Variants in TMEM170B observed in about 807,000 individuals in gnomAD.
TMEM170B encodes the protein transmembrane protein 170B.
A neutral mutation model predicts 13.0 loss-of-function variants in TMEM170B; 6 were observed. The observed-to-expected ratio is 0.46, with a 90% CI of 0.25 to 0.91. TMEM170B has a LOEUF of 0.91. Ranked by LOEUF, TMEM170B falls within the 40% of genes least tolerant of loss-of-function variation. The pLI, the probability that TMEM170B is intolerant of heterozygous loss-of-function variation, is 0.17. For missense variants in TMEM170B, 138 were observed against 165.2 expected (o/e 0.84, Z 0.90); for synonymous variants, 61 against 64.9 (o/e 0.94, Z 0.29).
chr6:11,572,380 C>A (rs1435255458), intron 2 of TMEM170B, among the ~76,000 whole-genome samples: 1 of 152,072 alleles, frequency 6.6e-6, no homozygotes, highest in African/African-American at 2.4e-5. Context: ...TAGTTATTTC[C>A]TACTATATTC....
rs946426734 is a variant in TMEM170B at position 11,578,543 on chromosome 6, G to T, written c.*2982G>T. The T allele has an allele frequency of 6.6e-6, 1 of 152,102 alleles. No individual in the cohort carries two copies. The highest frequency in any genetic ancestry group is 1.5e-5 in the Non-Finnish European group (1 of 67,996). The allele number at this position is 152,102 out of a possible 1,614,324, so 9.4% of individuals were successfully genotyped here. A position where few individuals can be genotyped will look rare whatever the true frequency, so the allele number is the denominator to read the frequency against. ...AATGCTTAAAACTTTAAAAGAAGGA[G>T]AACCAGCAGTCTTCCGAACCATGGG... On this transcript the variant is annotated 3_prime_UTR_variant, in exon 3 of 3. Transcript: ENST00000379426.
At position 11,575,750 on chromosome 6, in the gene TMEM170B, A is replaced by C. The variant is rs1300413385; in HGVS notation, c.*189A>C. The C allele has an allele frequency of 3.5e-6, 2 of 575,736 alleles. No homozygotes were observed. Among genetic ancestry groups the C allele is most frequent in the African/African-American group, 3.8e-5 (2 of 53,256 alleles). 35.7% of individuals were successfully genotyped at this position (575,736 alleles called of 1,614,324 possible). A position where few individuals can be genotyped will look rare whatever the true frequency, so the allele number is the denominator to read the frequency against. On this transcript the variant is annotated 3_prime_UTR_variant, in exon 3 of 3. Transcript: ENST00000379426. This position sits in a 1 kb window ranked among gnomAD's most constrained non-coding sequence, Gnocchi z 4.1. ...TCAAGTGATTGCACTACCGCACTGCACCTTATGTGCCTCTGTCTCAGGCAA... is the reference window on the plus strand; with the variant it reads ...TCAAGTGATTGCACTACCGCACTGCCCCTTATGTGCCTCTGTCTCAGGCAA...
intron 1 of TMEM170B, among the ~76,000 whole-genome samples, chr6:11,558,598 C>T (rs1759620021): frequency 6.6e-6 from 1 of 152,158 alleles, no homozygotes. Context: ...AGCATACAGC[C>T]AAGTCCCACC....
chr6:11,538,644 G>A (rs906630234), intron 1 of TMEM170B, among the ~76,000 whole-genome samples: 1 of 152,220 alleles, frequency 6.6e-6, no homozygotes, highest in Non-Finnish European at 1.5e-5. Flanking sequence ...TGGCGGCCCG[G>A]CCTCTGTAGT....
intron 1 of TMEM170B, among the ~76,000 whole-genome samples, chr6:11,562,665 C>T (rs549459384): frequency 6.6e-6 from 1 of 152,098 alleles, no homozygotes; most frequent in African/African-American, 2.4e-5. Context: ...ATCCAGTTTA[C>T]CCAATAGGAA....
intron 1 of TMEM170B, among the ~76,000 whole-genome samples, chr6:11,543,626 A>T (rs986813663): frequency 1.3e-5 from 2 of 152,220 alleles, no homozygotes; most frequent in African/African-American, 4.8e-5. Context: ...TTAACTCAGA[A>T]GGCATTTTTT....
In TMEM170B at chr6:11,537,763, G is replaced by A. The variant is rs952235346; in HGVS notation, c.-515G>A. On this transcript the variant is annotated 5_prime_UTR_variant, in exon 1 of 3. Transcript: ENST00000379426. ...AGGGGGCGGTTCCTCGAGTGTCGGC[G>A]ACCCGAGGGCGGGCAGGCGGGCGGC... 3.1e-4 allele frequency among the ~76,000 whole-genome samples: 47 copies of A among 151,790 alleles called. 1 individual carries two copies. The South Asian group carries it at 5.0e-3, about 16-fold the overall frequency.
chr6:11,547,839 A>G (rs973212760), intron 1 of TMEM170B, among the ~76,000 whole-genome samples: 1 of 152,156 alleles, frequency 6.6e-6, no homozygotes, highest in African/African-American at 2.4e-5. Flanking sequence ...ATGTCTTGGG[A>G]CTGCTTGAGT....
intron 1 of TMEM170B, among the ~76,000 whole-genome samples, chr6:11,549,771 T>C (rs911621685): frequency 7.9e-5 from 12 of 152,222 alleles, no homozygotes; most frequent in African/African-American, 2.7e-4. Flanking sequence ...CACCAAACTT[T>C]ATGCAAATAG....
In TMEM170B at chr6:11,565,816, T is replaced by C; in HGVS notation, c.248T>C (p.Val83Ala). 2.5e-6 allele frequency: 4 copies of C among 1,614,136 alleles called. No homozygotes were observed. Among genetic ancestry groups the C allele is most frequent in the Non-Finnish European group, 3.4e-6 (4 of 1,179,996 alleles). The change falls in exon 2 of 3, where the codon GTA becomes GCA. Residue 83 changes from valine (V) to alanine (A), a missense_variant. Val to Ala is a moderately conservative substitution (Grantham distance 64). Coordinates refer to ENST00000379426, the MANE Select transcript of TMEM170B (RefSeq NM_001100829.3). ...IAVSIGFLAS[V>A]TGAMITSAAV... Reference sequence around the variant, plus strand: ...GTCAGCATTGGATTTCTGGCTTCTGTAACTGGAGCGATGATTACCAGTAAG... The same window carrying C: ...GTCAGCATTGGATTTCTGGCTTCTGCAACTGGAGCGATGATTACCAGTAAG...
intron 1 of TMEM170B, among the ~76,000 whole-genome samples, chr6:11,562,776 A>G (rs9394146): frequency 0.47 from 71,472 of 151,760 alleles, 18,261 homozygotes; most frequent in Admixed American, 0.62. Context: ...CTACACTTGT[A>G]CTCTTCTCTA....
intron 1 of TMEM170B, among the ~76,000 whole-genome samples, chr6:11,546,556 G>A (rs1354964774): frequency 1.3e-5 from 2 of 152,080 alleles, no homozygotes; most frequent in Non-Finnish European, 2.9e-5. Context: ...TTCCAGGCCT[G>A]CAAGCTCTAT....
intron 1 of TMEM170B, among the ~76,000 whole-genome samples, chr6:11,557,417 G>A (rs977586076): frequency 3.3e-5 from 5 of 152,064 alleles, no homozygotes; most frequent in Admixed American, 6.5e-5. Context: ...TAATACCTAG[G>A]TGATGGGTTG....
Position 11,538,208 on chromosome 6 carries a change from C to T in TMEM170B, c.-70C>T. ...GGAGGAGCCGCGCACCCGCCGCCGC[C>T]CCCCGAGCCTCGCAGCCGCCGCCGC... On this transcript the variant is annotated 5_prime_UTR_variant, in exon 1 of 3. Coordinates refer to ENST00000379426, the MANE Select transcript of TMEM170B (RefSeq NM_001100829.3). The T allele has an allele frequency of 1.3e-6, 1 of 749,102 alleles. No homozygotes were observed. The highest frequency in any genetic ancestry group is 5.1e-5 in the East Asian group (1 of 19,462). The allele number at this position is 749,102 out of a possible 1,614,324, so 46.4% of individuals were successfully genotyped here.
rs1160137808 is a variant in TMEM170B at position 11,575,192 on chromosome 6, T to C, written c.269-239T>C. On this transcript the variant is annotated intron_variant, in intron 2 of 2. Transcript: ENST00000379426. The surrounding 1 kb of genome is among the most constrained non-coding windows in gnomAD (Gnocchi z 4.1). ...GCTATCAAGTATGCAGCATATACCATAAATATATATCTTTTGGTTGAATAG... is the reference window on the plus strand; with the variant it reads ...GCTATCAAGTATGCAGCATATACCACAAATATATATCTTTTGGTTGAATAG... 6.6e-6 allele frequency among the ~76,000 whole-genome samples: 1 copy of C among 152,160 alleles called. No homozygotes were observed. The highest frequency in any genetic ancestry group is 1.5e-5 in the Non-Finnish European group (1 of 68,034).
intron 1 of TMEM170B, among the ~76,000 whole-genome samples, chr6:11,550,414 C>G (rs1408927474): frequency 6.6e-6 from 1 of 152,038 alleles, no homozygotes; most frequent in Non-Finnish European, 1.5e-5. Context: ...CTCAGGTGAT[C>G]CACCCGCCTC....
rs1759444530 is a variant in TMEM170B at position 11,546,629 on chromosome 6, CTTTT to C, written c.97+8258_97+8261del. ...TCTTTTATGCTATATTTTTACTGAA[CTTTT>C]TTATGTTTAGAGACACAAATACTTC... On this transcript the variant is annotated intron_variant, in intron 1 of 2. Coordinates refer to ENST00000379426, the MANE Select transcript of TMEM170B (RefSeq NM_001100829.3). 2.0e-5 allele frequency among the ~76,000 whole-genome samples: 3 copies of C among 152,062 alleles called. No homozygotes were observed. In the South Asian group the frequency reaches 6.2e-4, roughly 31 times the overall value.
chr6:11,574,177 G>A (rs1759842735), intron 2 of TMEM170B, among the ~76,000 whole-genome samples: 1 of 152,028 alleles, frequency 6.6e-6, no homozygotes, highest in Admixed American at 6.6e-5. Flanking sequence ...TAAATTAGGT[G>A]ATAATACTGA....
intron 1 of TMEM170B, among the ~76,000 whole-genome samples, chr6:11,557,024 T>C (rs1759599267): frequency 6.6e-6 from 1 of 152,194 alleles, no homozygotes; most frequent in African/African-American, 2.4e-5. Flanking sequence ...AGTGTGCATT[T>C]GTGTCTGTCA....
Sources: allele counts gnomAD v4.1 joint callset (sites outside exome capture counted in the v4.1 genomes callset), GRCh38; gene constraint gnomAD v4.1.1; non-coding constraint Gnocchi (gnomAD v3.1); transcripts MANE v1.5; gene names NCBI Gene and HGNC (gene_info 2026-07-23, HGNC 2026-07-21).